Variants in UNC80 observed in about 807,000 individuals in gnomAD.
UNC80 encodes unc-80 subunit of NALCN channel complex.
A neutral mutation model predicts 384.6 loss-of-function variants in UNC80; 164 were observed. The ratio of observed to expected loss-of-function variants is 0.43; its 90% confidence interval spans 0.38 to 0.49. The LOEUF is 0.49. UNC80 is among the 20% of genes least tolerant of loss of function. The pLI is 0.00. For missense variants in UNC80, 3,330 were observed against 4,143.0 expected (o/e 0.80, Z 5.39); for synonymous variants, 1,486 against 1,527.8 (o/e 0.97, Z 0.64).
chr2:209,975,375 T>C (rs1041772423), intron 56 of UNC80, among the ~76,000 whole-genome samples: 4 of 152,178 alleles, frequency 2.6e-5, no homozygotes, highest in Non-Finnish European at 5.9e-5. Flanking sequence ...GACACACGGT[T>C]TGGGAAATCT....
chr2:209,903,733 T>A (rs182983666), intron 28 of UNC80, among the ~76,000 whole-genome samples: 133 of 146,236 alleles, frequency 9.1e-4, no homozygotes, highest in African/African-American at 3.3e-3. Flanking sequence ...TACCACAAAT[T>A]TAGTGGCTTA....
chr2:209,800,970 C>G (rs967619382), intron 7 of UNC80, among the ~76,000 whole-genome samples: 1 of 152,096 alleles, frequency 6.6e-6, no homozygotes, highest in Non-Finnish European at 1.5e-5. Context: ...GTTCTACTTC[C>G]AATTATGTAG....
intron 22 of UNC80, among the ~76,000 whole-genome samples, chr2:209,869,857 G>C (rs1017213730): frequency 6.6e-6 from 1 of 152,236 alleles, no homozygotes; most frequent in East Asian, 1.9e-4. Flanking sequence ...TAATATCTCA[G>C]TTTTATCCTG....
At chr2:209,779,711 A>C (rs1366980668) in intron 4 of UNC80, among the ~76,000 whole-genome samples, 4 of 152,238 alleles carry the variant, frequency 2.6e-5, no homozygotes, top group African/African-American at 9.6e-5. Context: ...AAGCTGATCC[A>C]AGTGCTAAAA....
At position 209,998,277 on chromosome 2, in the gene UNC80, A is replaced by G. The variant is rs2093511628; in HGVS notation, c.*2682A>G. ...AAACAGTTTAAATTCTGGATATAGGATCTCCTATAGCAAAACATTTTACTT... is the reference window on the plus strand; with the variant it reads ...AAACAGTTTAAATTCTGGATATAGGGTCTCCTATAGCAAAACATTTTACTT... On this transcript the variant is annotated 3_prime_UTR_variant, in exon 65 of 65. Transcript: ENST00000673920. The G allele has an allele frequency of 2.0e-5, 3 of 152,238 alleles. No individual in the cohort carries two copies. Among genetic ancestry groups the G allele is most frequent in the Admixed American group, 2.0e-4 (3 of 15,290 alleles). 9.4% of individuals were successfully genotyped at this position (152,238 alleles called of 1,614,324 possible). A position where few individuals can be genotyped will look rare whatever the true frequency, so the allele number is the denominator to read the frequency against.
In UNC80 at chr2:209,888,123, A is replaced by T. The variant is rs2085998290; in HGVS notation, c.4139A>T (p.Asp1380Val). The change falls in exon 26 of 65, where the codon GAT becomes GTT. Residue 1380 changes from aspartate to valine, a missense_variant. Physicochemically the swap from Asp to Val is radical, Grantham distance 152. This residue lies in a region of UNC80 where 801 missense variants were observed against 950.8 expected (regional missense o/e 0.84). Transcript: ENST00000673920. Reference protein sequence around the residue: ...VDLESCRLRLDPELDRHRYER... With the variant: ...VDLESCRLRLVPELDRHRYER... ...TTGGAGAGCTGCAGACTTCGTTTGG[A>T]TCCCGAGTTGGACCGGCACAGATAT... is the stretch of plus-strand genomic sequence containing the variant. 1 of 1,551,662 alleles carries T rather than the reference A, an allele frequency of 6.4e-7. No individual in the cohort carries two copies. Among genetic ancestry groups the T allele is most frequent in the Non-Finnish European group, 8.7e-7 (1 of 1,146,990 alleles).
chr2:209,806,247 A>C (rs2078890329), intron 7 of UNC80, among the ~76,000 whole-genome samples: 1 of 152,228 alleles, frequency 6.6e-6, no homozygotes, highest in South Asian at 2.1e-4. Flanking sequence ...ACATGTAGAC[A>C]GTAAATGATG....
At position 209,981,936 on chromosome 2, in the gene UNC80, T is replaced by C. The variant is rs185937027; in HGVS notation, c.9119-243T>C. Among the ~76,000 whole-genome samples, 3 of 152,358 alleles carry C rather than the reference T, an allele frequency of 2.0e-5. No homozygotes were observed. The East Asian group carries it at 5.8e-4, about 29-fold the overall frequency. On this transcript the variant is annotated intron_variant, in intron 59 of 64. Coordinates refer to ENST00000673920, the MANE Select transcript of UNC80 (RefSeq NM_001371986.1). ...CACAAATAATCTACTTGTAAAAATT[T>C]ACATTTATTTCATGAAGGATGTTCT...
chr2:209,923,199 AGGTCCAATGTGTGT>A (rs1200331262), intron 35 of UNC80, among the ~76,000 whole-genome samples: 1 of 152,158 alleles, frequency 6.6e-6, no homozygotes, highest in Admixed American at 6.5e-5. Context: ...TATTTTAATT[AGGTCCAATGTGTGT>A]GTTTTTCTTT....
intron 7 of UNC80, among the ~76,000 whole-genome samples, chr2:209,798,233 C>T (rs1460547999): frequency 1.3e-5 from 2 of 152,188 alleles, no homozygotes; most frequent in Non-Finnish European, 2.9e-5. Context: ...GAAGTCTTTG[C>T]CCATGCATGT....
chr2:209,982,077 AG>A, intron 59 of UNC80, 101 bp from the exon 60 acceptor site: 6 of 1,196,102 alleles, frequency 5.0e-6, no homozygotes, highest in Non-Finnish European at 6.9e-6. Flanking sequence ...CACAGCCCTA[AG>A]TTGTACACAA....
intron 1 of UNC80, among the ~76,000 whole-genome samples, chr2:209,772,420 G>A (rs1277491655): frequency 6.6e-6 from 1 of 151,934 alleles, no homozygotes; most frequent in African/African-American, 2.4e-5. Context: ...ATTTTAGGGG[G>A]TGGGAGGGCA....
In UNC80 at chr2:209,921,703, G is replaced by C. The variant is rs781688511; in HGVS notation, c.5530+17G>C. On this transcript the variant is annotated intron_variant, in intron 34 of 64. Coordinates refer to ENST00000673920, the MANE Select transcript of UNC80 (RefSeq NM_001371986.1). ...AAGAAGAAGGTGCCCTCTGCACACAGGACTTCTTGGGGGGCTGAGTCTCAG... is the reference window on the plus strand; with the variant it reads ...AAGAAGAAGGTGCCCTCTGCACACACGACTTCTTGGGGGGCTGAGTCTCAG... 2.0e-6 allele frequency: 3 copies of C among 1,524,134 alleles called. No individual in the cohort carries two copies. Among genetic ancestry groups the C allele is most frequent in the Non-Finnish European group, 2.6e-6 (3 of 1,135,602 alleles). 94.4% of individuals were successfully genotyped at this position (1,524,134 alleles called of 1,614,324 possible).
chr2:209,891,172 A>G (rs2086288767), intron 26 of UNC80, among the ~76,000 whole-genome samples: 1 of 152,182 alleles, frequency 6.6e-6, no homozygotes, highest in Non-Finnish European at 1.5e-5. Flanking sequence ...ATAGATATAC[A>G]TTGGGAAAAG....
At chr2:209,777,214 T>A in intron 3 of UNC80, 44 bp from the exon 4 acceptor site, 1 of 1,532,312 alleles carries the variant, frequency 6.5e-7, no homozygotes, top group South Asian at 1.3e-5. Context: ...ATTGCCCTGG[T>A]CACAGAGTTT....
At chr2:209,934,765 C>T (rs2091128431) in intron 39 of UNC80, among the ~76,000 whole-genome samples, 2 of 152,118 alleles carry the variant, frequency 1.3e-5, no homozygotes. Flanking sequence ...ATTCATACTT[C>T]ACAATTGTGA....
intron 62 of UNC80, 73 bp downstream of exon 62, chr2:209,992,320 T>A (rs1377369602): frequency 2.2e-6 from 3 of 1,367,502 alleles, no homozygotes; most frequent in African/African-American, 2.9e-5. Context: ...AATGCCCATG[T>A]ATATTAAGAT....
At chr2:209,858,533 C>T (rs1378230395) in intron 22 of UNC80, among the ~76,000 whole-genome samples, 1 of 151,874 alleles carries the variant, frequency 6.6e-6, no homozygotes, top group South Asian at 2.1e-4. Flanking sequence ...CATAGCGAAA[C>T]CCTGTCTCTA....
At chr2:209,912,035 A>G (rs928307406) in intron 29 of UNC80, among the ~76,000 whole-genome samples, 11 of 152,292 alleles carry the variant, frequency 7.2e-5, no homozygotes, top group Admixed American at 2.0e-4. Context: ...TGCTTCCTTG[A>G]TGGGTCCTGT....
Sources: gnomAD v4.1 joint callset for allele counts (sites outside exome capture counted in the v4.1 genomes callset) on GRCh38, gnomAD v4.1.1 for gene constraint, gnomAD v4.1.1 regional missense constraint, MANE v1.5 for transcripts, NCBI Gene and HGNC (gene_info 2026-07-23, HGNC 2026-07-21) for gene names.